Variants in DYNC1I1 observed in about 807,000 individuals in gnomAD.
DYNC1I1 encodes the protein dynein cytoplasmic 1 intermediate chain 1.
Under a neutral mutation model 86.6 loss-of-function variants are expected in DYNC1I1, and 43 were observed. That is an observed-to-expected ratio of 0.50 (90% CI 0.39 to 0.64). The LOEUF (loss-of-function observed/expected upper bound fraction) is 0.64, where lower values mean the gene tolerates loss of function less well. Ranked by LOEUF, DYNC1I1 falls within the 30% of genes least tolerant of loss-of-function variation. The probability of loss-of-function intolerance (pLI) is 0.00; values close to 1 mark genes in which losing one functional copy is unlikely to be tolerated. For missense variants in DYNC1I1, 604 were observed against 788.8 expected, an observed-to-expected ratio of 0.77 and a Z score of 2.81; for synonymous variants, 262 against 283.7, an observed-to-expected ratio of 0.92 and a Z score of 0.77.
At chr7:95,883,733 G>T (rs1320067386) in intron 6 of DYNC1I1, among the ~76,000 whole-genome samples, 4 of 152,056 alleles carry the variant, frequency 2.6e-5, no homozygotes, top group Admixed American at 2.6e-4. Flanking sequence ...TCTGAGAAAA[G>T]ATATATGGAT....
chr7:95,785,775 G>GTGTGTATATATATATA (rs1317168531), intron 1 of DYNC1I1, among the ~76,000 whole-genome samples: 1 of 124,906 alleles, frequency 8.0e-6, no homozygotes, highest in African/African-American at 2.7e-5. Flanking sequence ...GTGTGTATGT[G>GTGTGTATATATATATA]TATATATATA....
At chr7:95,886,606 A>G (rs1790599920) in intron 6 of DYNC1I1, among the ~76,000 whole-genome samples, 1 of 152,198 alleles carries the variant, frequency 6.6e-6, no homozygotes, top group Non-Finnish European at 1.5e-5. Context: ...CTCAAACCAG[A>G]CAGCCAATCT....
chr7:96,079,274 T>C (rs1790440163), intron 15 of DYNC1I1, among the ~76,000 whole-genome samples: 1 of 152,214 alleles, frequency 6.6e-6, no homozygotes, highest in African/African-American at 2.4e-5. Context: ...GCGACATGTT[T>C]ATTAGACACA....
intron 14 of DYNC1I1, among the ~76,000 whole-genome samples, chr7:96,044,539 G>C (rs2116067078): frequency 1.3e-5 from 2 of 152,046 alleles, no homozygotes; most frequent in Middle Eastern, 6.8e-3. Context: ...TAGAAAATCT[G>C]TAAGTGTAAG....
intron 2 of DYNC1I1, among the ~76,000 whole-genome samples, chr7:95,808,965 T>C (rs1794765436): frequency 6.6e-6 from 1 of 152,156 alleles, no homozygotes; most frequent in Non-Finnish European, 1.5e-5. Flanking sequence ...TGGGACTTGT[T>C]TCAGTAGTTT....
Position 95,810,471 on chromosome 7 carries a change from T to C in DYNC1I1, c.188T>C (p.Leu63Pro). Residue 63 changes from leucine to proline, a missense_variant, in exon 3 of 17, where the codon CTG becomes CCG. By Grantham distance (98) the Leu-to-Pro change is moderately conservative (BLOSUM62 -3). Transcript: ENST00000447467. ...AAACGACGAGAGACAGAGGCTTTGCTGCAAAGCATTGGTATCTCACCGGAG... is the reference window on the plus strand; with the variant it reads ...AAACGACGAGAGACAGAGGCTTTGCCGCAAAGCATTGGTATCTCACCGGAG... ...DRKRRETEAL[L>P]QSIGISPEPP... 1 of 1,612,994 alleles carries C rather than the reference T, an allele frequency of 6.2e-7. No homozygotes were observed. Among genetic ancestry groups the C allele is most frequent in the South Asian group, 1.1e-5 (1 of 90,974 alleles).
intron 1 of DYNC1I1, among the ~76,000 whole-genome samples, chr7:95,788,504 G>A (rs1378771716): frequency 6.6e-6 from 1 of 152,302 alleles, no homozygotes; most frequent in African/African-American, 2.4e-5. Flanking sequence ...CACAGCTAGT[G>A]CTTCCAGGTG....
At chr7:95,817,215 A>T (rs1040363281) in intron 4 of DYNC1I1, among the ~76,000 whole-genome samples, 1 of 109,566 alleles carries the variant, frequency 9.1e-6, no homozygotes, top group East Asian at 2.7e-4. Context: ...ATCCAAGATT[A>T]AAAAAAAAAA....
intron 16 of DYNC1I1, among the ~76,000 whole-genome samples, chr7:96,093,625 G>A (rs912510352): frequency 6.6e-6 from 1 of 152,134 alleles, no homozygotes; most frequent in Admixed American, 6.6e-5. Flanking sequence ...ACTGGCTGTT[G>A]GTGAACTCAG....
chr7:95,788,315 T>A (rs1394864661), intron 1 of DYNC1I1, among the ~76,000 whole-genome samples: 1 of 152,120 alleles, frequency 6.6e-6, no homozygotes, highest in Non-Finnish European at 1.5e-5. Flanking sequence ...AGTGGACAGA[T>A]CCTGGAAATG....
At position 95,803,777 on chromosome 7, in the gene DYNC1I1, G is replaced by A. The variant is rs149368491; in HGVS notation, c.-9-944G>A. 3.9e-3 allele frequency among the ~76,000 whole-genome samples: 598 copies of A among 152,208 alleles called. 4 individuals are homozygous for A. Among genetic ancestry groups the A allele is most frequent in the African/African-American group, 0.014 (565 of 41,528 alleles). On this transcript the variant is annotated intron_variant, in intron 1 of 16. Transcript: ENST00000447467. ...TCCCCATTATTTTAGAAATTTGGGC[G>A]AGGGCAGCTCTTCATTTCTCAAGGT...
Position 95,985,014 on chromosome 7 carries a change from A to C in DYNC1I1, c.743+37A>C, listed in dbSNP as rs375937375. ...GTGTGCATTCTTTAAAAAATAGCGT[A>C]AGTTATCTGTTAATTCTAATTTATT... On this transcript the variant is annotated intron_variant, in intron 8 of 16. Coordinates refer to ENST00000447467, the MANE Select transcript of DYNC1I1 (RefSeq NM_001135556.2). The C allele has an allele frequency of 1.6e-5, 25 of 1,597,582 alleles. No individual in the cohort carries two copies. In the African/African-American group the frequency reaches 3.3e-4, roughly 21 times the overall value.
intron 6 of DYNC1I1, among the ~76,000 whole-genome samples, chr7:95,935,349 A>G (rs781500457): frequency 2.0e-5 from 3 of 152,034 alleles, no homozygotes; most frequent in Non-Finnish European, 4.4e-5. Context: ...GCATGAATAT[A>G]CCACATTTTC....
chr7:95,823,491 C>A (rs1014096929), intron 4 of DYNC1I1, among the ~76,000 whole-genome samples: 2 of 152,204 alleles, frequency 1.3e-5, no homozygotes, highest in Non-Finnish European at 2.9e-5. Flanking sequence ...GAGCTACTTT[C>A]TTCCTTGTAG....
At chr7:95,960,355 C>A (rs540290649) in intron 6 of DYNC1I1, among the ~76,000 whole-genome samples, 3 of 152,242 alleles carry the variant, frequency 2.0e-5, no homozygotes, top group South Asian at 4.1e-4. Flanking sequence ...GATCCACCTG[C>A]CTCAGCCTCC....
intron 5 of DYNC1I1, among the ~76,000 whole-genome samples, chr7:95,853,558 G>T (rs1052442314): frequency 1.5e-4 from 23 of 152,128 alleles, no homozygotes; most frequent in Admixed American, 1.5e-3. Flanking sequence ...AGATTTATTA[G>T]GACTTTTTTT....
At position 96,074,791 on chromosome 7, in the gene DYNC1I1, T is replaced by A. The variant is rs552055562; in HGVS notation, c.1510-1266T>A. On this transcript the variant is annotated intron_variant, in intron 14 of 16. Transcript: ENST00000447467. ...AATCACTCTAATATTTGGAGCCGAT[T>A]CCCTACAGATACATTCTTTAAACAT... Among the ~76,000 whole-genome samples the A allele has an allele frequency of 2.2e-3, 341 of 152,340 alleles. 2 individuals carry two copies. The highest frequency in any genetic ancestry group is 7.7e-3 in the African/African-American group (319 of 41,578).
At chr7:95,913,304 G>A (rs1392928460) in intron 6 of DYNC1I1, among the ~76,000 whole-genome samples, 2 of 152,200 alleles carry the variant, frequency 1.3e-5, no homozygotes, top group Non-Finnish European at 2.9e-5. Flanking sequence ...CAGAGCTCTT[G>A]AGCGGAGGTG....
At chr7:96,110,168 AGT>A, downstream of DYNC1I1, 1 of 372,234 alleles carries the variant, frequency 2.7e-6, no homozygotes, top group Non-Finnish European at 5.3e-6. Context: ...TAGTTCTTTC[AGT>A]TCTATCAGCT....
Sources: allele counts gnomAD v4.1 joint callset (sites outside exome capture counted in the v4.1 genomes callset), GRCh38; gene constraint gnomAD v4.1.1; transcripts MANE v1.5; gene names NCBI Gene and HGNC (gene_info 2026-07-23, HGNC 2026-07-21).